Variants in TMC4 observed in about 807,000 individuals in gnomAD.
TMC4 encodes the protein voltage-gated chloride channel TMC4.
Under a neutral mutation model 82.0 loss-of-function variants are expected in TMC4, and 70 were observed. The ratio of observed to expected loss-of-function variants is 0.85; its 90% CI spans 0.70 to 1.04. The LOEUF (loss-of-function observed/expected upper bound fraction) is 1.04. Ranked by LOEUF, TMC4 falls within the 50% of genes least tolerant of loss-of-function variation. The probability of loss-of-function intolerance (pLI) is 0.00; values close to 1 mark genes in which losing one functional copy is unlikely to be tolerated. For missense variants in TMC4, 879 were observed against 899.0 expected (o/e 0.98, Z 0.28); for synonymous variants, 446 against 406.0 (o/e 1.10, Z -1.18).
chr19:54,168,163 C>G lies in TMC4; in HGVS notation c.797+8G>C. 6.2e-7 allele frequency: 1 copy of G among 1,600,448 alleles called. No individual in the cohort carries two copies. The highest frequency in any genetic ancestry group is 1.1e-5 in the South Asian group (1 of 88,602). The stretch of plus-strand genomic sequence containing the variant: ...CCGTCAGGGGTCAGGGGTGCAGGTG[C>G]CACTGACCGATGCAGGATGAGCAGG... On this transcript the variant is annotated splice_region_variant and intron_variant, in intron 5 of 14. Transcript: ENST00000619895.
intron 2 of TMC4, among the ~76,000 whole-genome samples, chr19:54,170,125 A>G (rs2075848979): frequency 6.6e-6 from 1 of 152,030 alleles, no homozygotes; most frequent in South Asian, 2.1e-4. Flanking sequence ...GAAAAGAAAG[A>G]AACCTAATGC....
chr19:54,162,591 G>A (rs2075591467), intron 10 of TMC4, 82 bp downstream of exon 10: 3 of 1,129,234 alleles, frequency 2.7e-6, no homozygotes, highest in South Asian at 2.6e-5. Context: ...ATGGTAAAAA[G>A]GTGCGCGGTG....
intron 5 of TMC4, among the ~76,000 whole-genome samples, chr19:54,167,932 G>A (rs1348609455): frequency 6.6e-6 from 1 of 151,540 alleles, no homozygotes; most frequent in Non-Finnish European, 1.5e-5. Flanking sequence ...GCGTGGTGGC[G>A]GGCGCCTGTA....
chr19:54,160,149 C>T lies in TMC4; in HGVS notation c.*157G>A. ...TATTTATTGATACAAGGAAGATCAC[C>T]CGAGAGTCAGGGACGTGGCGGCGAG... On this transcript the variant is annotated 3_prime_UTR_variant, in exon 15 of 15. Coordinates refer to ENST00000619895, the MANE Select transcript of TMC4 (RefSeq NM_144686.4). 1.2e-6 allele frequency: 1 copy of T among 800,314 alleles called. No homozygotes were observed. The highest frequency in any genetic ancestry group is 1.9e-6 in the Non-Finnish European group (1 of 528,168). 49.6% of individuals were successfully genotyped at this position (800,314 alleles called of 1,614,324 possible).
intron 2 of TMC4, among the ~76,000 whole-genome samples, chr19:54,170,313 G>A (rs549533227): frequency 1.5e-4 from 22 of 148,678 alleles, no homozygotes; most frequent in African/African-American, 5.3e-4. Flanking sequence ...TCCAGCCTGG[G>A]CATCAGAGCA....
Position 54,173,070 on chromosome 19 carries a change from C to G in TMC4, c.48G>C (p.Arg16Ser), listed in dbSNP as rs1436921258. The G allele has an allele frequency of 2.5e-6, 4 of 1,613,252 alleles. No homozygotes were observed. Among genetic ancestry groups the G allele is most frequent in the South Asian group, 2.2e-5 (2 of 91,054 alleles). ...TGGCCTCCCGGGGGGCCAGCCACTC[C>G]CTAGAGGAGCCCCAGGCTTCTGATT... is the stretch of plus-strand genomic sequence containing the variant. ...TLESEAWGSS[R>S]EWLAPREARG... Residue 16 changes from arginine to serine, a missense_variant, in exon 1 of 15, where the codon AGG becomes AGC. Arg to Ser is a moderately radical substitution (Grantham distance 110). Coordinates refer to ENST00000619895, the MANE Select transcript of TMC4 (RefSeq NM_144686.4).
chr19:54,164,607 G>T lies in TMC4; in HGVS notation c.946-6C>A. 1 of 1,612,666 alleles carries T rather than the reference G, an allele frequency of 6.2e-7. No homozygotes were observed. The highest frequency in any genetic ancestry group is 8.5e-7 in the Non-Finnish European group (1 of 1,179,940). ...ACTGTCTCCTCCAGCTCCACCTGAA[G>T]GCAGGAGAGATGCCCGCTTGGACTC... On this transcript the variant is annotated splice_polypyrimidine_tract_variant and splice_region_variant and intron_variant, in intron 6 of 14. Coordinates refer to ENST00000619895, the MANE Select transcript of TMC4 (RefSeq NM_144686.4).
At position 54,168,619 on chromosome 19, in the gene TMC4, G is replaced by A. The variant is rs114857532; in HGVS notation, c.504C>T (p.Asn168=). ...FSLLRFLLLL[N]VLASVLMACM... Reference sequence around the variant, plus strand: ...AGGCCATGAGCACAGAGGCCAGCACGTTAAGAAGGAGCAGGAAGCGCAGCA... The same window carrying A: ...AGGCCATGAGCACAGAGGCCAGCACATTAAGAAGGAGCAGGAAGCGCAGCA... Residue 168 remains asparagine, a synonymous_variant, in exon 4 of 15, where the codon AAC becomes AAT. Transcript: ENST00000619895. 1.9e-6 allele frequency: 3 copies of A among 1,594,884 alleles called. No individual in the cohort carries two copies. In the African/African-American group the frequency reaches 4.0e-5, roughly 21 times the overall value.
intron 2 of TMC4, among the ~76,000 whole-genome samples, chr19:54,169,892 C>T (rs1307105009): frequency 3.3e-5 from 5 of 151,576 alleles, no homozygotes; most frequent in African/African-American, 1.2e-4. Flanking sequence ...GAGTTCGAGA[C>T]CAGCCTGACC....
At chr19:54,170,540 G>C (rs2075857565) in intron 2 of TMC4, among the ~76,000 whole-genome samples, 1 of 152,146 alleles carries the variant, frequency 6.6e-6, no homozygotes, top group Non-Finnish European at 1.5e-5. Flanking sequence ...ACTGAAATCT[G>C]TAGATGCCCA....
At chr19:54,169,466 G>A (rs1184054183) in intron 3 of TMC4, 46 bp downstream of exon 3, 1 of 1,540,868 alleles carries the variant, frequency 6.5e-7, no homozygotes, top group South Asian at 1.2e-5. Flanking sequence ...CTCAGACCCA[G>A]GAGTCCAGGC....
chr19:54,161,255 G>T lies in TMC4; in HGVS notation c.1692C>A (p.Thr564=). ...CAGCCGGGGAGCAGGTGGAGAAGAG[G>T]GTAAGCTGGTGGGGGAAGGCACGGA... ...FLLLFYLKKL[T]LFSTCSPAAR... is the part of the protein sequence containing the mutation. The change falls in exon 12 of 15, where the codon ACC becomes ACA. Residue 564 remains threonine (T), a synonymous_variant. Coordinates refer to ENST00000619895, the MANE Select transcript of TMC4 (RefSeq NM_144686.4). 6.5e-7 allele frequency: 1 copy of T among 1,533,558 alleles called. No homozygotes were observed. The highest frequency in any genetic ancestry group is 1.3e-5 in the South Asian group (1 of 79,324). The allele number at this position is 1,533,558 out of a possible 1,614,324, so 95.0% of individuals were successfully genotyped here.
chr19:54,169,642 C>T lies in TMC4; in HGVS notation c.312G>A (p.Arg104=). The T allele has an allele frequency of 6.2e-7, 1 of 1,613,724 alleles. No individual in the cohort carries two copies. The change falls in exon 3 of 15, where the codon AGG becomes AGA. Residue 104 remains arginine (R), a synonymous_variant. Coordinates refer to ENST00000619895, the MANE Select transcript of TMC4 (RefSeq NM_144686.4). ...RRAHRQRNAS[R]DQVVYGSGTK... ...TTCCAGAGCCATAGACCACCTGGTC[C>T]CTGCTGGCATTTCTTTGCCTGGGAG... is the stretch of plus-strand genomic sequence containing the variant.
chr19:54,163,332 A>G (rs941981409), intron 8 of TMC4, 173 bp from the exon 9 acceptor site: 63 of 747,460 alleles, frequency 8.4e-5, no homozygotes, highest in Non-Finnish European at 1.1e-4. Context: ...TTTTTTTGAG[A>G]CAGGGTCTCA....
chr19:54,163,971 C>CTTA, intron 7 of TMC4, 84 bp from the exon 8 acceptor site: 40 of 1,166,058 alleles, frequency 3.4e-5, no homozygotes, highest in Non-Finnish European at 4.1e-5. Context: ...TCTTCTTCTT[C>CTTA]TTCTTCTTTT....
chr19:54,160,651 C>G (rs2075520449), intron 13 of TMC4, 106 bp from the exon 14 acceptor site: 1 of 1,555,726 alleles, frequency 6.4e-7, no homozygotes, highest in African/African-American at 1.4e-5. Flanking sequence ...CCCTCCTCGT[C>G]TGGGCTCAAG....
rs1321404884 is a variant in TMC4 at position 54,168,266 on chromosome 19, G to A, written c.702C>T (p.Phe234=). The change falls in exon 5 of 15, where the codon TTC becomes TTT. Residue 234 remains phenylalanine (F), a synonymous_variant. Transcript: ENST00000619895. ...GTGGGCGGGGCGGGTAGAAGCCATA[G>A]AAGAGAGGGGACCATTCCAGGTAAC... ...GEGYLEWSPL[F]YGFYPPRPRL... The A allele has an allele frequency of 6.4e-7, 1 of 1,556,458 alleles. No individual in the cohort carries two copies. The highest frequency in any genetic ancestry group is 8.7e-7 in the Non-Finnish European group (1 of 1,149,518).
At chr19:54,162,351 C>G in intron 10 of TMC4, 66 bp from the exon 11 acceptor site, 3 of 1,221,772 alleles carry the variant, frequency 2.5e-6, no homozygotes, top group Non-Finnish European at 3.2e-6. Context: ...CACGCCTCCA[C>G]CGCCCCGCCC....
At chr19:54,169,999 G>T (rs2075845733) in intron 2 of TMC4, among the ~76,000 whole-genome samples, 1 of 152,112 alleles carries the variant, frequency 6.6e-6, no homozygotes, top group African/African-American at 2.4e-5. Context: ...TACACGAGAG[G>T]CTGAGGCAGG....
Sources: gnomAD v4.1 joint callset for allele counts (sites outside exome capture counted in the v4.1 genomes callset) on GRCh38, gnomAD v4.1.1 for gene constraint, MANE v1.5 for transcripts, NCBI Gene and HGNC (gene_info 2026-07-23, HGNC 2026-07-21) for gene names.